UTP11: variants seen among roughly 807,000 people sequenced by gnomAD.
The protein encoded by UTP11 is probable U3 small nucleolar RNA-associated protein 11.
A neutral mutation model predicts 39.0 loss-of-function variants in UTP11; 29 were observed. The ratio of observed to expected loss-of-function variants is 0.74; its 90% CI spans 0.55 to 1.01. The LOEUF (loss-of-function observed/expected upper bound fraction) is 1.01, where lower values mean the gene tolerates loss of function less well. Ranked by LOEUF, UTP11 falls within the 50% of genes least tolerant of loss-of-function variation. UTP11 has a pLI of 0.00. For synonymous variants in UTP11, 111 were observed against 105.0 expected, an observed-to-expected ratio of 1.06 and a Z score of -0.35; for missense variants, 281 against 306.0, an observed-to-expected ratio of 0.92 and a Z score of 0.61.
chr1:38,021,894 GA>G (rs535193600), intron 6 of UTP11, among the ~76,000 whole-genome samples: 2,307 of 129,340 alleles, frequency 0.018, 16 homozygotes, highest in African/African-American at 0.034. Flanking sequence ...CTCCGCCTCA[GA>G]AAAAAAAAAA....
At chr1:38,021,087 A>C (rs887389789) in intron 6 of UTP11, among the ~76,000 whole-genome samples, 1 of 152,000 alleles carries the variant, frequency 6.6e-6, no homozygotes, top group Non-Finnish European at 1.5e-5. Context: ...ACGCCTGGCT[A>C]ATTTTTTGTA....
intron 6 of UTP11, among the ~76,000 whole-genome samples, chr1:38,021,166 C>G (rs779699810): frequency 1.2e-4 from 19 of 152,064 alleles, no homozygotes; most frequent in Non-Finnish European, 2.4e-4. Context: ...TGTGATCCAC[C>G]CACCTCAGCC....
In UTP11 at chr1:38,023,575, G is replaced by T. The variant is rs753802213; in HGVS notation, c.709G>T (p.Glu237Ter). ...AACTCAGAAAGTGAAGGTGAAGAAAGAAACGGTGAACTCCCCAGCTATTTA... is the reference window on the plus strand; with the variant it reads ...AACTCAGAAAGTGAAGGTGAAGAAATAAACGGTGAACTCCCCAGCTATTTA... ...DKTQKVKVKK[E>*]TVNSPAIYKF... The change falls in exon 8 of 8, where the codon GAA (glutamate) becomes TAA (stop). Residue 237 changes from glutamate to a stop codon, truncating the protein, a stop_gained. Coordinates refer to ENST00000373014, the MANE Select transcript of UTP11 (RefSeq NM_016037.4). LOFTEE classifies it high-confidence loss of function. The T allele has an allele frequency of 4.3e-6, 7 of 1,611,644 alleles. No homozygotes were observed. The highest frequency in any genetic ancestry group is 5.9e-6 in the Non-Finnish European group (7 of 1,178,958).
chr1:38,021,859 C>T (rs1646739548), intron 6 of UTP11, among the ~76,000 whole-genome samples: 2 of 151,562 alleles, frequency 1.3e-5, no homozygotes, highest in South Asian at 4.2e-4. Context: ...TGCCACTGCA[C>T]TCCAGCCTGG....
chr1:38,022,152 T>G (rs1455052675), intron 6 of UTP11, among the ~76,000 whole-genome samples: 5 of 152,198 alleles, frequency 3.3e-5, no homozygotes, highest in Admixed American at 3.3e-4. Flanking sequence ...CAACACTGAT[T>G]CATTCCTGCC....
chr1:38,017,438 A>G, intron 2 of UTP11: 1 of 357,632 alleles, frequency 2.8e-6, no homozygotes, highest in Non-Finnish European at 5.0e-6. Context: ...AGTTAATTTC[A>G]GGTTCCACTG....
chr1:38,016,290 TGTC>T (rs749285469), intron 1 of UTP11, 66 bp from the exon 2 acceptor site: 63 of 1,482,978 alleles, frequency 4.2e-5, no homozygotes, highest in Non-Finnish European at 5.4e-5. Context: ...GCCTGTTAGA[TGTC>T]GTGTTGATTT....
chr1:38,021,933 C>T (rs1646740033), intron 6 of UTP11, among the ~76,000 whole-genome samples: 2 of 151,916 alleles, frequency 1.3e-5, no homozygotes, highest in Non-Finnish European at 2.9e-5. Context: ...AAGCTTTCAT[C>T]AGTTTCTCTG....
intron 6 of UTP11, among the ~76,000 whole-genome samples, chr1:38,020,275 ATT>A (rs536822001): frequency 1.3e-5 from 2 of 151,168 alleles, no homozygotes; most frequent in Non-Finnish European, 1.5e-5. Context: ...CTAATTTTAA[ATT>A]TTTTTTGTAG....
rs927113296 is a variant in UTP11, at chr1:38,017,678, A to G, written c.136A>G (p.Lys46Glu). The G allele has an allele frequency of 6.3e-7, 1 of 1,592,562 alleles. No homozygotes were observed. Among genetic ancestry groups the G allele is most frequent in the Non-Finnish European group, 8.5e-7 (1 of 1,171,618 alleles). Reference sequence around the variant, plus strand: ...TAACCTGTCTTTTAGTGACTACCGTAAAAAACAAGAATACCTCAAAGCTCT... The same window carrying G: ...TAACCTGTCTTTTAGTGACTACCGTGAAAAACAAGAATACCTCAAAGCTCT... ...DYKLRADDYR[K>E]KQEYLKALRK... The change falls in exon 3 of 8, where the codon AAA (lysine) becomes GAA (glutamate). Residue 46 changes from lysine to glutamate, a missense_variant. By Grantham distance (56) the Lys-to-Glu change is moderately conservative. Coordinates refer to ENST00000373014, the MANE Select transcript of UTP11 (RefSeq NM_016037.4).
chr1:38,021,092 T>A (rs1473801451), intron 6 of UTP11, among the ~76,000 whole-genome samples: 1 of 152,064 alleles, frequency 6.6e-6, no homozygotes, highest in East Asian at 1.9e-4. Flanking sequence ...TGGCTAATTT[T>A]TTGTATATTT....
chr1:38,018,375 G>T, intron 3 of UTP11, 89 bp from the exon 4 acceptor site: 1 of 953,606 alleles, frequency 1.0e-6, no homozygotes, highest in Non-Finnish European at 1.6e-6. Flanking sequence ...TTGGCCTATG[G>T]TTGTCTTTGT....
At chr1:38,013,800 C>T (rs534149325) in intron 1 of UTP11, among the ~76,000 whole-genome samples, 3 of 152,254 alleles carry the variant, frequency 2.0e-5, no homozygotes, top group African/African-American at 7.2e-5. Context: ...CTACAACCTC[C>T]GCCTCCCAGG....
intron 2 of UTP11, chr1:38,016,807 A>G (rs1422028640): frequency 4.8e-6 from 1 of 206,412 alleles, no homozygotes; most frequent in East Asian, 1.1e-4. Flanking sequence ...TGTGATGTGG[A>G]ATGAAGAGAT....
chr1:38,021,578 T>C lies in UTP11; in HGVS notation c.568-1121T>C, dbSNP rs140788040. On this transcript the variant is annotated intron_variant, in intron 6 of 7. Coordinates refer to ENST00000373014, the MANE Select transcript of UTP11 (RefSeq NM_016037.4). ...ATGTGCTTGCACAACCTTTTACAAA[T>C]GTGTATGTACATTTATCTCAAGAAA... is the stretch of plus-strand genomic sequence containing the variant. Among the ~76,000 whole-genome samples, 411 of 152,274 alleles carry C rather than the reference T, an allele frequency of 2.7e-3. 8 individuals carry two copies. Among genetic ancestry groups the C allele is most frequent in the African/African-American group, 8.7e-3 (360 of 41,540 alleles).
chr1:38,022,930 C>T (rs1222967706), intron 7 of UTP11, 121 bp downstream of exon 7: 10 of 690,296 alleles, frequency 1.4e-5, no homozygotes, highest in Non-Finnish European at 2.5e-5. Context: ...ATGTCTGCTC[C>T]TCAGGGGCAG....
At chr1:38,017,545 T>C (rs1570499797) in intron 2 of UTP11, 123 bp from the exon 3 acceptor site, 1 of 737,568 alleles carries the variant, frequency 1.4e-6, no homozygotes, top group East Asian at 3.0e-5. Context: ...TTTTGGCTTT[T>C]TTGAGTTTCA....
intron 1 of UTP11, among the ~76,000 whole-genome samples, chr1:38,014,780 C>T (rs917814988): frequency 1.2e-4 from 19 of 152,080 alleles, no homozygotes; most frequent in Admixed American, 9.8e-4. Flanking sequence ...GGACCACAGG[C>T]GTGTACTGTG....
At chr1:38,017,916 C>A in intron 3 of UTP11, 146 bp downstream of exon 3, 1 of 683,996 alleles carries the variant, frequency 1.5e-6, no homozygotes, top group Non-Finnish European at 2.4e-6. Context: ...CCAAGGCAAA[C>A]CCTCCACTTC....
Sources: gnomAD v4.1 joint callset for allele counts (sites outside exome capture counted in the v4.1 genomes callset) on GRCh38, gnomAD v4.1.1 for gene constraint, MANE v1.5 for transcripts, NCBI Gene and HGNC (gene_info 2026-07-23, HGNC 2026-07-21) for gene names.